CTNNA2: variants seen among roughly 807,000 people sequenced by gnomAD.
The protein encoded by CTNNA2 is catenin alpha-2.
CTNNA2 carries 42 observed loss-of-function variants against 101.0 expected under a neutral mutation model. The observed-to-expected ratio is 0.42, with a 90% CI of 0.32 to 0.54. CTNNA2 has a LOEUF of 0.54. Ranked by LOEUF, CTNNA2 falls within the 20% of genes least tolerant of loss-of-function variation. The pLI is 0.14. For synonymous variants in CTNNA2, 450 were observed against 456.4 expected (o/e 0.99, Z 0.18); for missense variants, 871 against 1,223.1 (o/e 0.71, Z 4.29).
chr2:79,523,544 A>G (rs1672235012), intron 1 of CTNNA2, among the ~76,000 whole-genome samples: 1 of 152,116 alleles, frequency 6.6e-6, no homozygotes, highest in African/African-American at 2.4e-5. Context: ...TGCTATTTCA[A>G]ACAATGCTAA....
At chr2:79,763,525 G>A (rs760495967) in intron 3 of CTNNA2, among the ~76,000 whole-genome samples, 6 of 152,032 alleles carry the variant, frequency 3.9e-5, no homozygotes, top group African/African-American at 9.7e-5. Flanking sequence ...ATTTCAAAGG[G>A]CATTGCAAGG....
At chr2:79,673,285 A>G (rs1292718858) in intron 2 of CTNNA2, among the ~76,000 whole-genome samples, 1 of 152,102 alleles carries the variant, frequency 6.6e-6, no homozygotes, top group Non-Finnish European at 1.5e-5. Flanking sequence ...TGGATTCCTT[A>G]AAAACTTTTA....
intron 7 of CTNNA2, among the ~76,000 whole-genome samples, chr2:80,295,124 C>T (rs892331940): frequency 1.3e-5 from 2 of 151,956 alleles, no homozygotes; most frequent in African/African-American, 4.8e-5. Context: ...TCTCTCTTTC[C>T]CTCCCATCCC....
At chr2:80,359,360 G>T (rs1335836085) in intron 7 of CTNNA2, among the ~76,000 whole-genome samples, 2 of 152,184 alleles carry the variant, frequency 1.3e-5, no homozygotes, top group African/African-American at 4.8e-5. Context: ...TTATGCCGAT[G>T]ATACACTGTC....
chr2:79,282,697 G>A (rs1461447508), intron 2 of CTNNA2, among the ~76,000 whole-genome samples: 6 of 143,994 alleles, frequency 4.2e-5, no homozygotes, highest in African/African-American at 1.2e-4. Flanking sequence ...TTGCTATTGC[G>A]AATAGTGCCG....
chr2:79,346,031 T>G (rs1677255906), intron 3 of CTNNA2, among the ~76,000 whole-genome samples: 1 of 151,856 alleles, frequency 6.6e-6, no homozygotes, highest in African/African-American at 2.4e-5. Flanking sequence ...AACTTCAGAG[T>G]TTTGGGAGCT....
Position 79,218,351 on chromosome 2 carries a change from ATT to A in CTNNA2, c.-406+20288_-406+20289del, listed in dbSNP as rs58900850. Among the ~76,000 whole-genome samples, 13 of 116,742 alleles carry A rather than the reference ATT, an allele frequency of 1.1e-4. No individual in the cohort carries two copies. The South Asian group carries it at 3.6e-3, about 33-fold the overall frequency. 76.6% of individuals were successfully genotyped at this position (116,742 alleles called of 152,430 possible). A position where few individuals can be genotyped will look rare whatever the true frequency, so the allele number is the denominator to read the frequency against. ...TGTGTGTGTGTGTGTGTGTGTGTGTATTTTTTTTTTTTTTAGAGACAGGATCT... is the reference window on the plus strand; with the variant it reads ...TGTGTGTGTGTGTGTGTGTGTGTGTATTTTTTTTTTTTAGAGACAGGATCT... On this transcript the variant is annotated intron_variant, in intron 2 of 21. Transcript: ENST00000466387.
chr2:79,379,983 T>C (rs1197885028), intron 4 of CTNNA2, among the ~76,000 whole-genome samples: 1 of 152,154 alleles, frequency 6.6e-6, no homozygotes, highest in Non-Finnish European at 1.5e-5. Flanking sequence ...AGAACCCCCA[T>C]AGTCTCTTAT....
At chr2:80,594,917 T>C (rs995330114) in intron 15 of CTNNA2, among the ~76,000 whole-genome samples, 1 of 152,092 alleles carries the variant, frequency 6.6e-6, no homozygotes, top group Non-Finnish European at 1.5e-5. Flanking sequence ...TTGATTATAG[T>C]AAGTTTTAAA....
At chr2:79,320,218 A>G (rs1676586874) in intron 3 of CTNNA2, among the ~76,000 whole-genome samples, 1 of 150,876 alleles carries the variant, frequency 6.6e-6, no homozygotes. Context: ...ATCTTTGCGG[A>G]GCACACAGCA....
chr2:80,053,150 A>G (rs939265730), intron 7 of CTNNA2, among the ~76,000 whole-genome samples: 2 of 152,156 alleles, frequency 1.3e-5, no homozygotes, highest in African/African-American at 4.8e-5. Flanking sequence ...ACTTGTCTTT[A>G]TGGCCTATCT....
chr2:80,157,875 G>C (rs1704079598), intron 7 of CTNNA2, among the ~76,000 whole-genome samples: 1 of 152,032 alleles, frequency 6.6e-6, no homozygotes, highest in African/African-American at 2.4e-5. Context: ...CCTCAGCTGG[G>C]GGCAGCACTC....
At chr2:80,364,480 A>G (rs1205896428) in intron 7 of CTNNA2, among the ~76,000 whole-genome samples, 2 of 151,514 alleles carry the variant, frequency 1.3e-5, no homozygotes, top group Non-Finnish European at 2.9e-5. Context: ...TCCTAAAATT[A>G]TGGGTGTAAT....
intron 7 of CTNNA2, among the ~76,000 whole-genome samples, chr2:80,133,290 A>C (rs1214533325): frequency 6.6e-6 from 1 of 152,114 alleles, no homozygotes; most frequent in Non-Finnish European, 1.5e-5. Flanking sequence ...GGGAGCGTGG[A>C]CCTGCCAACA....
chr2:80,349,784 T>A (rs1008281334), intron 7 of CTNNA2, among the ~76,000 whole-genome samples: 1 of 152,088 alleles, frequency 6.6e-6, no homozygotes, highest in Non-Finnish European at 1.5e-5. Context: ...CCTCCGGAGT[T>A]GCTGGCATTC....
intron 2 of CTNNA2, among the ~76,000 whole-genome samples, chr2:79,205,798 C>A (rs572093247): frequency 5.3e-5 from 8 of 152,240 alleles, no homozygotes; most frequent in Admixed American, 2.0e-4. Context: ...GATATGATTC[C>A]ATGCAACCTG....
chr2:79,525,378 G>A (rs1371595102), intron 1 of CTNNA2, among the ~76,000 whole-genome samples: 1 of 151,946 alleles, frequency 6.6e-6, no homozygotes, highest in East Asian at 1.9e-4. Context: ...TATACAAATT[G>A]AGAAAATGGG....
chr2:80,645,288 C>T (rs1029491711), intron 18 of CTNNA2, among the ~76,000 whole-genome samples: 2 of 152,158 alleles, frequency 1.3e-5, no homozygotes, highest in African/African-American at 4.8e-5. Context: ...GAAACTGTGA[C>T]TTATCTGTTC....
chr2:79,738,122 C>T (rs528340651), intron 2 of CTNNA2, among the ~76,000 whole-genome samples: 2 of 152,304 alleles, frequency 1.3e-5, no homozygotes, highest in South Asian at 4.1e-4. Context: ...GCAGTCTATA[C>T]AAGCCTGGGT....
Sources: allele counts gnomAD v4.1 joint callset (sites outside exome capture counted in the v4.1 genomes callset), GRCh38; gene constraint gnomAD v4.1.1; transcripts MANE v1.5; gene names NCBI Gene and HGNC (gene_info 2026-07-23, HGNC 2026-07-21).